PIWIL3: variants seen among roughly 807,000 people sequenced by gnomAD.
The protein encoded by PIWIL3 is piwi-like protein 3.
PIWIL3 carries 101 observed loss-of-function variants against 109.7 expected under a neutral mutation model. That is an observed-to-expected ratio of 0.92 (90% CI 0.78 to 1.09). The LOEUF is 1.09. Among genes scored for constraint, PIWIL3 ranks in the 50% least tolerant of loss-of-function variants. The pLI is 0.00. For missense variants in PIWIL3, 1,031 were observed against 1,072.6 expected, an observed-to-expected ratio of 0.96 and a Z score of 0.54; for synonymous variants, 373 against 376.4, an observed-to-expected ratio of 0.99 and a Z score of 0.10.
intron 8 of PIWIL3, among the ~76,000 whole-genome samples, chr22:24,753,268 G>A (rs971675137): frequency 1.3e-5 from 2 of 152,160 alleles, no homozygotes; most frequent in African/African-American, 4.8e-5. Context: ...AGAATGTTAT[G>A]CTTTTAGTTC....
At chr22:24,770,359 AG>A (rs1926063622) in intron 1 of PIWIL3, among the ~76,000 whole-genome samples, 1 of 152,262 alleles carries the variant, frequency 6.6e-6, no homozygotes, top group Non-Finnish European at 1.5e-5. Context: ...TGAGCAGCTC[AG>A]CTTCAAAATA....
intron 1 of PIWIL3, among the ~76,000 whole-genome samples, chr22:24,764,527 C>T (rs189557575): frequency 6.6e-4 from 100 of 152,022 alleles, no homozygotes; most frequent in African/African-American, 2.3e-3. Flanking sequence ...GTAAACTTTC[C>T]AGTAGTTCTT....
chr22:24,747,198 G>T (rs533479980), intron 12 of PIWIL3, among the ~76,000 whole-genome samples: 1 of 152,132 alleles, frequency 6.6e-6, no homozygotes, highest in South Asian at 2.1e-4. Context: ...ACTCATTTTT[G>T]ACAAAGGAAC....
Position 24,719,763 on chromosome 22 carries a change from C to T in PIWIL3, c.2490G>A (p.Met830Ile), listed in dbSNP as rs1247027713. 1 of 1,611,750 alleles carries T rather than the reference C, an allele frequency of 6.2e-7. No individual in the cohort carries two copies. Among genetic ancestry groups the T allele is most frequent in the Admixed American group, 1.7e-5 (1 of 59,766 alleles). The change falls in exon 20 of 21, where the codon ATG (methionine) becomes ATA (isoleucine). Residue 830 changes from methionine to isoleucine, a missense_variant. Physicochemically the swap from Met to Ile is conservative, Grantham distance 10 (BLOSUM62 1). Transcript: ENST00000616349. ...VQRLTYCLCH[M>I]YYNLPGIIRV... ...AAGTACTTACTGGCAAATTATAATACATGTGGCATAGACAATATGTTAAAC... is the reference window on the plus strand; with the variant it reads ...AAGTACTTACTGGCAAATTATAATATATGTGGCATAGACAATATGTTAAAC...
In PIWIL3 at chr22:24,758,064, T is replaced by C. The variant is rs552644512; in HGVS notation, c.224-25A>G. Reference sequence around the variant, plus strand: ...CCTGCATAAATGTAAACGCCAGAAGTTTAAACAATAAAAAGGGAAGAATAG... The same window carrying C: ...CCTGCATAAATGTAAACGCCAGAAGCTTAAACAATAAAAAGGGAAGAATAG... On this transcript the variant is annotated intron_variant, in intron 3 of 20. Coordinates refer to ENST00000616349, the MANE Select transcript of PIWIL3 (RefSeq NM_001255975.1). 1.8e-4 allele frequency: 282 copies of C among 1,589,550 alleles called. 2 individuals are homozygous for C. In the South Asian group the frequency reaches 2.8e-3, roughly 16 times the overall value.
intron 8 of PIWIL3, among the ~76,000 whole-genome samples, chr22:24,752,924 T>C (rs1255937525): frequency 6.6e-6 from 1 of 152,250 alleles, no homozygotes; most frequent in African/African-American, 2.4e-5. Context: ...TGGCTACTGA[T>C]GTTAAACGTT....
intron 20 of PIWIL3, 40 bp downstream of exon 20, chr22:24,719,708 T>C (rs750634294): frequency 7.0e-6 from 11 of 1,581,788 alleles, no homozygotes; most frequent in Admixed American, 5.0e-5. Flanking sequence ...GAATAGTACA[T>C]TTAAAAAATC....
chr22:24,733,835 T>C (rs1923495116), intron 14 of PIWIL3, among the ~76,000 whole-genome samples: 1 of 152,228 alleles, frequency 6.6e-6, no homozygotes, highest in South Asian at 2.1e-4. Flanking sequence ...TACATTTGTA[T>C]GGTGTATTTT....
intron 1 of PIWIL3, among the ~76,000 whole-genome samples, chr22:24,770,000 A>C (rs1312345225): frequency 6.6e-6 from 1 of 152,196 alleles, no homozygotes; most frequent in African/African-American, 2.4e-5. Context: ...TGACAAAAAA[A>C]AGTGTTTGTA....
intron 14 of PIWIL3, among the ~76,000 whole-genome samples, chr22:24,731,691 T>C (rs910362041): frequency 2.6e-5 from 4 of 151,974 alleles, no homozygotes; most frequent in Non-Finnish European, 4.4e-5. Flanking sequence ...TGTCTTTAGA[T>C]AAATGCACAC....
chr22:24,726,451 T>G (rs898454424), intron 16 of PIWIL3, among the ~76,000 whole-genome samples: 1 of 152,014 alleles, frequency 6.6e-6, no homozygotes, highest in African/African-American at 2.4e-5. Flanking sequence ...CCTGGCTAAT[T>G]TTTGTATTTT....
rs1055696956 is a variant in PIWIL3, at chr22:24,754,080, T to C, written c.911A>G (p.Gln304Arg). The change falls in exon 8 of 21, where the codon CAG (glutamine) becomes CGG (arginine). Residue 304 changes from glutamine (Q) to arginine (R), a missense_variant. Gln to Arg is a conservative substitution (Grantham distance 43, BLOSUM62 1). Transcript: ENST00000616349. ...AYDFIKRTSA[Q>R]AQTGNIREEV... ...CTCTCGGATGTTTCCTGTCTGGGCC[T>C]GGGCAGATGTTCTCTTTATGAAATC... The C allele has an allele frequency of 1.2e-6, 2 of 1,613,034 alleles. No individual in the cohort carries two copies. Among genetic ancestry groups the C allele is most frequent in the African/African-American group, 1.3e-5 (1 of 74,904 alleles).
intron 12 of PIWIL3, among the ~76,000 whole-genome samples, chr22:24,744,205 A>AAAAAAAAAAAC (rs1569103676): frequency 1.4e-5 from 2 of 148,084 alleles, no homozygotes; most frequent in African/African-American, 2.5e-5. Context: ...AAAAAAAAAA[A>AAAAAAAAAAAC]AACAATGATC....
chr22:24,751,423 A>T lies in PIWIL3; in HGVS notation c.1053T>A (p.Asp351Glu). The change falls in exon 9 of 21, where the codon GAT (aspartate) becomes GAA (glutamate). Residue 351 changes from aspartate (D) to glutamate (E), a missense_variant. Physicochemically the swap from Asp to Glu is conservative, Grantham distance 45. Coordinates refer to ENST00000616349, the MANE Select transcript of PIWIL3 (RefSeq NM_001255975.1). ...QNPEDTFNKS[D>E]GSKITYIDYY... is the part of the protein sequence containing the mutation. ...AGTCTATATAGGTGATTTTGCTGCC[A>T]TCTGATTTGTTAAATGTGTCTTCAG... The T allele has an allele frequency of 6.2e-7, 1 of 1,613,998 alleles. No homozygotes were observed. The highest frequency in any genetic ancestry group is 1.3e-5 in the African/African-American group (1 of 75,054).
intron 12 of PIWIL3, among the ~76,000 whole-genome samples, chr22:24,748,553 T>C (rs993299001): frequency 6.6e-6 from 1 of 152,218 alleles, no homozygotes; most frequent in East Asian, 1.9e-4. Flanking sequence ...ATACCTACTA[T>C]GTACCCACAA....
intron 12 of PIWIL3, among the ~76,000 whole-genome samples, chr22:24,738,333 C>T (rs1923788209): frequency 1.3e-5 from 2 of 152,136 alleles, no homozygotes; most frequent in African/African-American, 4.8e-5. Flanking sequence ...ACTTACTGCC[C>T]CTGAAGGGAA....
At chr22:24,743,682 G>C (rs1924141710) in intron 12 of PIWIL3, among the ~76,000 whole-genome samples, 1 of 152,056 alleles carries the variant, frequency 6.6e-6, no homozygotes, top group South Asian at 2.1e-4. Flanking sequence ...AGGATGGGAG[G>C]GGGTGATGGA....
At chr22:24,766,956 C>A (rs538255280) in intron 1 of PIWIL3, among the ~76,000 whole-genome samples, 1 of 112,164 alleles carries the variant, frequency 8.9e-6, no homozygotes, top group African/African-American at 3.4e-5. Context: ...ATCAAGACAC[C>A]GTCTCTAAAA....
chr22:24,746,436 A>G (rs976785789), intron 12 of PIWIL3, among the ~76,000 whole-genome samples: 2 of 149,956 alleles, frequency 1.3e-5, no homozygotes, highest in Admixed American at 1.3e-4. Context: ...AATAAAAGCC[A>G]TACACTTCAG....
Sources: allele counts gnomAD v4.1 joint callset (sites outside exome capture counted in the v4.1 genomes callset), GRCh38; gene constraint gnomAD v4.1.1; transcripts MANE v1.5; gene names NCBI Gene and HGNC (gene_info 2026-07-23, HGNC 2026-07-21).